Variants in FRMD5 observed in about 807,000 individuals in gnomAD.
The protein encoded by FRMD5 is FERM domain-containing protein 5.
FRMD5 carries 20 observed loss-of-function variants against 69.0 expected under a neutral mutation model. The ratio of observed to expected loss-of-function variants is 0.29; its 90% confidence interval spans 0.20 to 0.42. The LOEUF is 0.42. FRMD5 is among the 10% of genes least tolerant of loss of function. The pLI is 1.00. For missense variants in FRMD5, 595 were observed against 708.6 expected (o/e 0.84, Z 1.82); for synonymous variants, 271 against 260.1 (o/e 1.04, Z -0.40).
intron 1 of FRMD5, among the ~76,000 whole-genome samples, chr15:43,971,452 C>G (rs1458658159): frequency 6.6e-6 from 1 of 151,194 alleles, no homozygotes; most frequent in Non-Finnish European, 1.5e-5. Context: ...TTTGGGAGGC[C>G]AAGAGGGCGG....
At chr15:44,054,564 G>A (rs1040116417) in intron 1 of FRMD5, among the ~76,000 whole-genome samples, 3 of 152,158 alleles carry the variant, frequency 2.0e-5, no homozygotes, top group African/African-American at 7.2e-5. Flanking sequence ...GGGGTTGTCC[G>A]CCAAAGAATA....
intron 1 of FRMD5, among the ~76,000 whole-genome samples, chr15:44,059,948 C>T (rs943625728): frequency 2.6e-5 from 4 of 152,194 alleles, no homozygotes; most frequent in Admixed American, 2.6e-4. Context: ...TCCCTGAACA[C>T]CTGGCAACAA....
chr15:44,041,560 C>T (rs1192931490), intron 1 of FRMD5, among the ~76,000 whole-genome samples: 1 of 152,096 alleles, frequency 6.6e-6, no homozygotes, highest in Non-Finnish European at 1.5e-5. Context: ...TGCAAAAGAA[C>T]AGAAATCATA....
intron 1 of FRMD5, chr15:43,989,899 C>T (rs1188236105): frequency 2.6e-6 from 3 of 1,148,490 alleles, no homozygotes; most frequent in Non-Finnish European, 3.9e-6. Flanking sequence ...GGCAGCCACA[C>T]ACAGCTCGTT....
chr15:44,161,291 A>G (rs2077613039), intron 1 of FRMD5, among the ~76,000 whole-genome samples: 1 of 152,204 alleles, frequency 6.6e-6, no homozygotes, highest in Admixed American at 6.5e-5. Context: ...AACCATGCTC[A>G]TCTTGAGTCA....
chr15:44,148,798 G>A (rs1457801841), intron 1 of FRMD5, among the ~76,000 whole-genome samples: 2 of 152,130 alleles, frequency 1.3e-5, no homozygotes, highest in African/African-American at 4.8e-5. Flanking sequence ...CAAAAAAATT[G>A]TGACTCACTT....
At chr15:44,087,964 G>A (rs1894274590) in intron 1 of FRMD5, among the ~76,000 whole-genome samples, 1 of 152,098 alleles carries the variant, frequency 6.6e-6, no homozygotes, top group South Asian at 2.1e-4. Context: ...GAGTCACATT[G>A]TCTGAGAATT....
chr15:44,033,139 A>G (rs952685517), intron 1 of FRMD5, among the ~76,000 whole-genome samples: 3 of 152,242 alleles, frequency 2.0e-5, no homozygotes, highest in African/African-American at 4.8e-5. Context: ...GTTCTTACTT[A>G]TAAGTGGTAG....
intron 4 of FRMD5, among the ~76,000 whole-genome samples, chr15:43,915,910 T>TC (rs2089378051): frequency 6.6e-6 from 1 of 152,132 alleles, no homozygotes; most frequent in Non-Finnish European, 1.5e-5. Flanking sequence ...GAATTACGGA[T>TC]GTTGAGTGAG....
At chr15:44,111,707 C>T (rs1209156329) in intron 1 of FRMD5, among the ~76,000 whole-genome samples, 2 of 152,196 alleles carry the variant, frequency 1.3e-5, no homozygotes, top group African/African-American at 4.8e-5. Flanking sequence ...GATGCTACTC[C>T]TAGTACTCTC....
intron 1 of FRMD5, among the ~76,000 whole-genome samples, chr15:44,094,991 C>T (rs2076530105): frequency 6.6e-6 from 1 of 151,972 alleles, no homozygotes; most frequent in Non-Finnish European, 1.5e-5. Flanking sequence ...CACTGGACCC[C>T]TAGGGAGCCA....
chr15:44,150,450 A>G (rs552002010), intron 1 of FRMD5, among the ~76,000 whole-genome samples: 1 of 151,998 alleles, frequency 6.6e-6, no homozygotes, highest in African/African-American at 2.4e-5. Context: ...ACCTGCTACA[A>G]CTAATAAATG....
chr15:44,127,306 G>A (rs961203624), intron 1 of FRMD5, among the ~76,000 whole-genome samples: 1 of 152,186 alleles, frequency 6.6e-6, no homozygotes, highest in Non-Finnish European at 1.5e-5. Context: ...TGGCCAGCCT[G>A]GTCTCAGACT....
chr15:44,182,576 T>C (rs1363204928), intron 1 of FRMD5, among the ~76,000 whole-genome samples: 2 of 152,166 alleles, frequency 1.3e-5, no homozygotes, highest in Non-Finnish European at 2.9e-5. Flanking sequence ...TCCACCCACC[T>C]TGGCCTCCCA....
chr15:43,874,051 A>G lies in FRMD5; in HGVS notation c.1547T>C (p.Leu516Pro). Reference protein sequence around the residue: ...LVTMGLLFVLLLLLIILTESD... With the variant: ...LVTMGLLFVLPLLLIILTESD... ...CTCGGTAAGGATGATCAGGAGGAGG[A>G]GCAAAACAAAGAGGAGTCCCATGGT... Residue 516 changes from leucine to proline, a missense_variant, in exon 14 of 14, where the codon CTC (leucine) becomes CCC (proline). Physicochemically the swap from Leu to Pro is moderately conservative, Grantham distance 98. This residue lies in a region of FRMD5 where 245 missense variants were observed against 227.1 expected (regional missense o/e 1.08). Coordinates refer to ENST00000417257, the MANE Select transcript of FRMD5 (RefSeq NM_032892.5). 1 of 1,614,194 alleles carries G rather than the reference A, an allele frequency of 6.2e-7. No homozygotes were observed.
At chr15:44,016,542 C>T (rs1036089498) in intron 1 of FRMD5, among the ~76,000 whole-genome samples, 3 of 151,694 alleles carry the variant, frequency 2.0e-5, no homozygotes, top group East Asian at 2.0e-4. Context: ...GGCCAACATG[C>T]GAAACCCTGT....
chr15:43,951,626 T>C (rs1250409044), intron 1 of FRMD5, among the ~76,000 whole-genome samples: 1 of 152,172 alleles, frequency 6.6e-6, no homozygotes. Context: ...AGATAATATG[T>C]GTGAAAGTAA....
At chr15:44,141,328 A>G (rs1006096409) in intron 1 of FRMD5, among the ~76,000 whole-genome samples, 1 of 152,180 alleles carries the variant, frequency 6.6e-6, no homozygotes, top group Non-Finnish European at 1.5e-5. Context: ...AAAGAAAAAG[A>G]CAAAATAATT....
intron 1 of FRMD5, among the ~76,000 whole-genome samples, chr15:44,075,394 A>C (rs1893715666): frequency 6.6e-6 from 1 of 152,172 alleles, no homozygotes. Flanking sequence ...ATAGTTTATT[A>C]CAAATATTAA....
Sources: gnomAD v4.1 joint callset for allele counts (sites outside exome capture counted in the v4.1 genomes callset) on GRCh38, gnomAD v4.1.1 for gene constraint, gnomAD v4.1.1 regional missense constraint, MANE v1.5 for transcripts, NCBI Gene and HGNC (gene_info 2026-07-23, HGNC 2026-07-21) for gene names.